The following SPAG16 variants were observed in gnomAD, a reference collection of about 807,000 sequenced individuals.
SPAG16 encodes the protein sperm associated antigen 16.
In SPAG16, 86 loss-of-function variants were observed where a neutral mutation model predicts 80.4. That is an observed-to-expected ratio of 1.07 (90% CI 0.90 to 1.28). The LOEUF is 1.28. Among genes scored for constraint, SPAG16 ranks in the 50% most tolerant of loss-of-function variants. The probability of loss-of-function intolerance (pLI) is 0.00; values close to 1 mark genes in which losing one functional copy is unlikely to be tolerated. For synonymous variants in SPAG16, 294 were observed against 265.9 expected (o/e 1.11, Z -1.03); for missense variants, 870 against 765.3 (o/e 1.14, Z -1.61).
chr2:214,014,227 T>C, intron 13 of SPAG16, 150 bp downstream of exon 13: 1 of 936,694 alleles, frequency 1.1e-6, no homozygotes, highest in Non-Finnish European at 1.6e-6. Flanking sequence ...CAAGATCCTT[T>C]CTATGCACTT....
chr2:214,154,219 G>A (rs1047112875), intron 15 of SPAG16, among the ~76,000 whole-genome samples: 3 of 152,002 alleles, frequency 2.0e-5, no homozygotes, highest in African/African-American at 4.8e-5. Context: ...ACTTTTCCAC[G>A]TCTCTCATTT....
chr2:213,628,118 T>G (rs1458988635), intron 10 of SPAG16, among the ~76,000 whole-genome samples: 1 of 152,224 alleles, frequency 6.6e-6, no homozygotes, highest in Non-Finnish European at 1.5e-5. Flanking sequence ...GCTTGAAATT[T>G]CATCTCTCAG....
chr2:213,377,436 A>G (rs970638702), intron 9 of SPAG16, among the ~76,000 whole-genome samples: 4 of 152,204 alleles, frequency 2.6e-5, no homozygotes, highest in Non-Finnish European at 5.9e-5. Flanking sequence ...TTATTAGTCA[A>G]GTGTGTGTTT....
intron 10 of SPAG16, among the ~76,000 whole-genome samples, chr2:213,599,862 C>T (rs564792396): frequency 1.1e-4 from 17 of 152,160 alleles, no homozygotes; most frequent in African/African-American, 3.6e-4. Flanking sequence ...CCACCATGAC[C>T]GGCTAATTTT....
intron 10 of SPAG16, among the ~76,000 whole-genome samples, chr2:213,857,608 CACTCAAGA>C (rs1473415844): frequency 6.6e-6 from 1 of 152,156 alleles, no homozygotes; most frequent in East Asian, 1.9e-4. Context: ...TTCACCTGGT[CACTCAAGA>C]ACTGTGATGA....
At chr2:213,954,881 A>T (rs575318629) in intron 12 of SPAG16, among the ~76,000 whole-genome samples, 16 of 152,266 alleles carry the variant, frequency 1.1e-4, no homozygotes, top group South Asian at 8.3e-4. Flanking sequence ...GTCATAAAAC[A>T]TTGTGATTTT....
At chr2:213,729,806 A>G (rs983103360) in intron 10 of SPAG16, among the ~76,000 whole-genome samples, 4 of 152,202 alleles carry the variant, frequency 2.6e-5, no homozygotes, top group African/African-American at 9.7e-5. Flanking sequence ...GAGCAAAAAC[A>G]TCAGATTTTT....
At chr2:213,538,396 G>A (rs1195729997) in intron 10 of SPAG16, among the ~76,000 whole-genome samples, 1 of 151,986 alleles carries the variant, frequency 6.6e-6, no homozygotes, top group Non-Finnish European at 1.5e-5. Flanking sequence ...GATTTACTTT[G>A]ATTAAAATCT....
At chr2:213,823,464 G>A (rs201168459) in intron 10 of SPAG16, among the ~76,000 whole-genome samples, 78 of 152,098 alleles carry the variant, frequency 5.1e-4, no homozygotes, top group Non-Finnish European at 9.7e-4. Flanking sequence ...AAGTTCAAGC[G>A]ATTCTCCTGC....
intron 13 of SPAG16, among the ~76,000 whole-genome samples, chr2:214,102,836 G>A (rs894580364): frequency 6.6e-6 from 1 of 152,082 alleles, no homozygotes; most frequent in African/African-American, 2.4e-5. Flanking sequence ...AAAGGCTTTA[G>A]AATAGGAAAG....
At chr2:214,162,489 A>G (rs1474770458) in intron 15 of SPAG16, among the ~76,000 whole-genome samples, 2 of 152,130 alleles carry the variant, frequency 1.3e-5, no homozygotes, top group African/African-American at 4.8e-5. Flanking sequence ...AGTACTGGGA[A>G]CAATAATGAC....
At chr2:213,811,683 T>C (rs1264530908) in intron 10 of SPAG16, among the ~76,000 whole-genome samples, 1 of 152,100 alleles carries the variant, frequency 6.6e-6, no homozygotes, top group Non-Finnish European at 1.5e-5. Context: ...GAGAAAGAAA[T>C]GCATTCTTCC....
intron 10 of SPAG16, among the ~76,000 whole-genome samples, chr2:213,608,471 G>A (rs2061338788): frequency 6.6e-6 from 1 of 152,110 alleles, no homozygotes; most frequent in Non-Finnish European, 1.5e-5. Context: ...ATGGTTTCCA[G>A]CTTCATCCAT....
chr2:213,756,309 C>T (rs755831127), intron 10 of SPAG16, among the ~76,000 whole-genome samples: 7 of 152,062 alleles, frequency 4.6e-5, no homozygotes, highest in East Asian at 1.9e-4. Context: ...GGTAAAACCC[C>T]GTCTCAAAAA....
intron 1 of SPAG16, among the ~76,000 whole-genome samples, chr2:213,292,796 A>G (rs546211222): frequency 1.3e-5 from 2 of 152,154 alleles, no homozygotes; most frequent in Non-Finnish European, 2.9e-5. Flanking sequence ...TGAGAAATTT[A>G]AAAGATTTTT....
chr2:214,038,589 T>C (rs1476585757), intron 13 of SPAG16, among the ~76,000 whole-genome samples: 1 of 152,142 alleles, frequency 6.6e-6, no homozygotes, highest in African/African-American at 2.4e-5. Flanking sequence ...ATGTGCACAA[T>C]GTGCAGGTTA....
At chr2:214,070,019 T>C (rs1226865835) in intron 13 of SPAG16, among the ~76,000 whole-genome samples, 1 of 151,974 alleles carries the variant, frequency 6.6e-6, no homozygotes, top group Non-Finnish European at 1.5e-5. Flanking sequence ...TTTGGCAATT[T>C]TGTGTTTCTT....
chr2:214,367,717 C>A (rs1699566816), intron 15 of SPAG16, among the ~76,000 whole-genome samples: 1 of 152,086 alleles, frequency 6.6e-6, no homozygotes, highest in South Asian at 2.1e-4. Context: ...TAAATATACT[C>A]CCAACTCTCT....
At chr2:214,270,707 G>C (rs1559169997) in intron 15 of SPAG16, among the ~76,000 whole-genome samples, 1 of 151,936 alleles carries the variant, frequency 6.6e-6, no homozygotes, top group Non-Finnish European at 1.5e-5. Context: ...TGCTTGATTA[G>C]TCCCGTGGTT....
Sources: gnomAD v4.1 joint callset for allele counts (sites outside exome capture counted in the v4.1 genomes callset) on GRCh38, gnomAD v4.1.1 for gene constraint, MANE v1.5 for transcripts, NCBI Gene and HGNC (gene_info 2026-07-23, HGNC 2026-07-21) for gene names.